Variants in UBAC2 observed in about 807,000 individuals in gnomAD.
The protein encoded by UBAC2 is UBA domain containing 2, also known as ubiquitin-associated domain-containing protein 2.
In UBAC2, 26 loss-of-function variants were observed where a neutral mutation model predicts 44.0. The ratio of observed to expected loss-of-function variants is 0.59; its 90% CI spans 0.43 to 0.82. UBAC2 has a LOEUF of 0.82. Ranked by LOEUF, UBAC2 falls within the 40% of genes least tolerant of loss-of-function variation. UBAC2 has a pLI of 0.00. For synonymous variants in UBAC2, 155 were observed against 154.3 expected (o/e 1.00, Z -0.04); for missense variants, 329 against 419.4 (o/e 0.78, Z 1.88).
chr13:99,366,628 A>AT (rs5806111), intron 7 of UBAC2, among the ~76,000 whole-genome samples: 6 of 151,424 alleles, frequency 4.0e-5, no homozygotes, highest in South Asian at 2.1e-4. Flanking sequence ...TTTTAGTTTG[A>AT]TTTTTTTTTC....
Position 99,358,564 on chromosome 13 carries a change from G to A in UBAC2, c.808-9223G>A, listed in dbSNP as rs146105671. Among the ~76,000 whole-genome samples, 605 of 152,294 alleles carry A rather than the reference G, an allele frequency of 4.0e-3. 3 individuals carry two copies. Among genetic ancestry groups the A allele is most frequent in the Non-Finnish European group, 5.9e-3 (400 of 68,018 alleles). On this transcript the variant is annotated intron_variant, in intron 7 of 8. Transcript: ENST00000403766. ...AAGTAATAGGCTTGTGATTGTTAAT[G>A]AGTTATTAAATATTTTTAAATTAAT... is the stretch of plus-strand genomic sequence containing the variant.
chr13:99,368,045 G>C, intron 8 of UBAC2, 139 bp downstream of exon 8: 1 of 1,091,478 alleles, frequency 9.2e-7, no homozygotes, highest in Non-Finnish European at 1.3e-6. Context: ...CCATGATAGA[G>C]ACTTTGGGCT....
chr13:99,242,493 GCCGGGCGGGGGGCTGC>G (rs1679125109), intron 2 of UBAC2, among the ~76,000 whole-genome samples: 1 of 139,976 alleles, frequency 7.1e-6, no homozygotes, highest in Non-Finnish European at 1.6e-5. Context: ...GGGGCGGCTG[GCCGGGCGGGGGGCTGC>G]CCCCCCCACC....
At chr13:99,357,766 C>G (rs1438018041) in intron 7 of UBAC2, among the ~76,000 whole-genome samples, 1 of 152,178 alleles carries the variant, frequency 6.6e-6, no homozygotes, top group African/African-American at 2.4e-5. Context: ...CCCTCTCACC[C>G]CTTCCACCCC....
intron 2 of UBAC2, among the ~76,000 whole-genome samples, chr13:99,243,233 CTTTTTTTTT>C (rs773750160): frequency 1.7e-4 from 16 of 94,262 alleles, no homozygotes; most frequent in Admixed American, 3.3e-4. Flanking sequence ...TTGAGTAGCT[CTTTTTTTTT>C]TTTTTTTTTT....
At chr13:99,211,503 A>G (rs924856582) in intron 1 of UBAC2, among the ~76,000 whole-genome samples, 4 of 152,228 alleles carry the variant, frequency 2.6e-5, no homozygotes, top group Admixed American at 6.5e-5. Context: ...AGTGTGAGTT[A>G]TTATTGGTTT....
intron 4 of UBAC2, among the ~76,000 whole-genome samples, chr13:99,287,776 C>T (rs1326698573): frequency 2.6e-5 from 4 of 151,686 alleles, no homozygotes; most frequent in Non-Finnish European, 5.9e-5. Context: ...TGAGCCACCA[C>T]GTGCAGCCTT....
chr13:99,232,748 C>G (rs890429822), intron 1 of UBAC2, among the ~76,000 whole-genome samples: 1 of 151,948 alleles, frequency 6.6e-6, no homozygotes, highest in Non-Finnish European at 1.5e-5. Flanking sequence ...ATGGCAAAAC[C>G]CTGTCTCTAC....
intron 8 of UBAC2, among the ~76,000 whole-genome samples, chr13:99,379,939 C>G (rs2045528980): frequency 6.6e-6 from 1 of 152,196 alleles, no homozygotes; most frequent in South Asian, 2.1e-4. Flanking sequence ...GTGAGTGACG[C>G]ACGTGGGTTT....
intron 7 of UBAC2, among the ~76,000 whole-genome samples, chr13:99,361,793 T>C (rs2138881681): frequency 6.6e-6 from 1 of 152,226 alleles, no homozygotes. Flanking sequence ...TCTCCTGGAT[T>C]GGGGGTAGGA....
intron 4 of UBAC2, among the ~76,000 whole-genome samples, chr13:99,263,153 C>G (rs1189230958): frequency 6.6e-6 from 1 of 152,098 alleles, no homozygotes; most frequent in African/African-American, 2.4e-5. Context: ...GAAGTTGGCC[C>G]TACTTAATAG....
At chr13:99,343,003 G>C (rs1206822538) in intron 7 of UBAC2, among the ~76,000 whole-genome samples, 1 of 152,230 alleles carries the variant, frequency 6.6e-6, no homozygotes, top group Non-Finnish European at 1.5e-5. Flanking sequence ...TTGGTCATGA[G>C]GGGCCCACCA....
chr13:99,333,334 A>G (rs1311395646), intron 6 of UBAC2, among the ~76,000 whole-genome samples: 1 of 152,254 alleles, frequency 6.6e-6, no homozygotes, highest in African/African-American at 2.4e-5. Context: ...ACTTGAGGTC[A>G]TGCTGGCGTG....
Position 99,295,032 on chromosome 13 carries a change from G to C in UBAC2, c.390-19065G>C. The C allele has an allele frequency of 1.3e-6, 2 of 1,593,848 alleles. No homozygotes were observed. The highest frequency in any genetic ancestry group is 1.7e-6 in the Non-Finnish European group (2 of 1,169,988). On this transcript the variant is annotated intron_variant, in intron 4 of 8. Coordinates refer to ENST00000403766, the MANE Select transcript of UBAC2 (RefSeq NM_001144072.2). This position sits in a 1 kb window ranked among gnomAD's most constrained non-coding sequence, Gnocchi z 4.1. ...CTGCAAAGTTTGTCATACAGTTTAC[G>C]TCACTATAAACCAAAATACAATCCA...
At chr13:99,223,938 G>A (rs2043082112) in intron 1 of UBAC2, among the ~76,000 whole-genome samples, 1 of 152,030 alleles carries the variant, frequency 6.6e-6, no homozygotes, top group Admixed American at 6.6e-5. Flanking sequence ...ATATGCACTT[G>A]AAAAAATGTG....
At chr13:99,364,193 T>C (rs1186942303) in intron 7 of UBAC2, among the ~76,000 whole-genome samples, 1 of 151,908 alleles carries the variant, frequency 6.6e-6, no homozygotes, top group South Asian at 2.1e-4. Flanking sequence ...AATGCAAGAA[T>C]TGGTAATAGG....
In UBAC2 at chr13:99,349,634, T is replaced by G. The variant is rs558520152; in HGVS notation, c.807+9069T>G. On this transcript the variant is annotated intron_variant, in intron 7 of 8. Transcript: ENST00000403766. ...CCCTTCCCTCTTAGGTAGCCGAAGC[T>G]GAGAGAGAGAAGGCACCATACGTCA... 1.3e-5 allele frequency among the ~76,000 whole-genome samples: 2 copies of G among 152,282 alleles called. 1 individual carries two copies. The highest frequency in any genetic ancestry group is 4.1e-4 in the South Asian group (2 of 4,828).
At chr13:99,234,852 G>C (rs1042348390) in intron 1 of UBAC2, among the ~76,000 whole-genome samples, 1 of 152,192 alleles carries the variant, frequency 6.6e-6, no homozygotes, top group African/African-American at 2.4e-5. Context: ...ATACTTGGGG[G>C]AAATGTTCCT....
At chr13:99,368,724 T>TGTGTGTGTAC (rs2045366665) in intron 8 of UBAC2, among the ~76,000 whole-genome samples, 1 of 149,454 alleles carries the variant, frequency 6.7e-6, no homozygotes, top group Admixed American at 6.7e-5. Flanking sequence ...TGTGTGTGTG[T>TGTGTGTGTAC]GTACACATAC....
Sources: gnomAD v4.1 joint callset for allele counts (sites outside exome capture counted in the v4.1 genomes callset) on GRCh38, gnomAD v4.1.1 for gene constraint, Gnocchi (gnomAD v3.1) non-coding constraint, MANE v1.5 for transcripts, NCBI Gene and HGNC (gene_info 2026-07-23, HGNC 2026-07-21) for gene names.